Variants in PTPRT observed in about 807,000 individuals in gnomAD.
PTPRT encodes receptor-type tyrosine-protein phosphatase T.
A neutral mutation model predicts 176.8 loss-of-function variants in PTPRT; 56 were observed. The observed-to-expected ratio is 0.32, with a 90% CI of 0.26 to 0.40. The LOEUF is 0.40. Among genes scored for constraint, PTPRT ranks in the 10% least tolerant of loss-of-function variants. The pLI, the probability that PTPRT is intolerant of heterozygous loss-of-function variation, is 1.00. For missense variants in PTPRT, 1,540 were observed against 1,908.2 expected (o/e 0.81, Z 3.60); for synonymous variants, 783 against 739.0 (o/e 1.06, Z -0.96).
the PTPRT span, among the ~76,000 whole-genome samples, chr20:42,051,291 G>A: frequency 4.6e-5 from 7 of 152,182 alleles, no homozygotes; most frequent in Admixed American, 4.6e-4. Flanking sequence ...TAGAGAGGAG[G>A]ATGCATTCCC....
At chr20:42,943,176 A>C (rs763425845) in intron 1 of PTPRT, among the ~76,000 whole-genome samples, 38 of 152,252 alleles carry the variant, frequency 2.5e-4, no homozygotes, top group Non-Finnish European at 4.6e-4. Flanking sequence ...CCAGGCAGAC[A>C]GAAGCCGAGT....
intron 7 of PTPRT, among the ~76,000 whole-genome samples, chr20:42,558,899 G>A (rs893192940): frequency 6.6e-6 from 1 of 152,150 alleles, no homozygotes; most frequent in African/African-American, 2.4e-5. Context: ...CTAAGACTCT[G>A]AACAGAATTC....
At chr20:43,016,223 C>T (rs1010934146) in intron 1 of PTPRT, among the ~76,000 whole-genome samples, 3 of 152,216 alleles carry the variant, frequency 2.0e-5, no homozygotes, top group Admixed American at 1.3e-4. Flanking sequence ...CTCTTTTCCC[C>T]ATGTTTCCTC....
At chr20:42,948,807 C>A (rs931346035) in intron 1 of PTPRT, among the ~76,000 whole-genome samples, 1 of 152,146 alleles carries the variant, frequency 6.6e-6, no homozygotes, top group African/African-American at 2.4e-5. Flanking sequence ...TAACCAACAA[C>A]CCCAGCTAGA....
intron 1 of PTPRT, among the ~76,000 whole-genome samples, chr20:42,976,661 C>A (rs144792660): frequency 0.038 from 5,820 of 152,194 alleles, 282 homozygotes; most frequent in African/African-American, 0.11. Context: ...CCTGCCTTGG[C>A]CTCCCCAAGT....
intron 23 of PTPRT, among the ~76,000 whole-genome samples, 184 bp downstream of exon 23, chr20:42,110,149 C>T (rs372032257): frequency 1.3e-5 from 2 of 151,622 alleles, no homozygotes; most frequent in Admixed American, 6.6e-5. Flanking sequence ...TGGGTTCAAG[C>T]GATTCCTCTG....
chr20:42,135,864 G>A (rs1461736885), intron 18 of PTPRT, among the ~76,000 whole-genome samples: 2 of 151,966 alleles, frequency 1.3e-5, no homozygotes, highest in Non-Finnish European at 2.9e-5. Context: ...AGAGTTGTAG[G>A]GTCCTCACTC....
intron 7 of PTPRT, among the ~76,000 whole-genome samples, chr20:42,565,028 T>C (rs1240759844): frequency 6.6e-6 from 1 of 152,020 alleles, no homozygotes. Context: ...AATCAGACAG[T>C]CCTCCACTGT....
At position 42,342,618 on chromosome 20, in the gene PTPRT, A is replaced by G. The variant is rs6030158; in HGVS notation, c.1865+8010T>C. ...AAACTCCTCAGGCTGCCCTGTGTCA[A>G]TAAATCCTCTAAATGTTCGTTTCTC... On this transcript the variant is annotated intron_variant, in intron 11 of 30. Coordinates refer to ENST00000373187, the MANE Select transcript of PTPRT (RefSeq NM_007050.6). Among the ~76,000 whole-genome samples the G allele has an allele frequency of 3.5e-3, 531 of 152,316 alleles. 6 individuals carry two copies. Among genetic ancestry groups the G allele is most frequent in the African/African-American group, 0.012 (510 of 41,568 alleles).
downstream of PTPRT, among the ~76,000 whole-genome samples, chr20:42,070,261 G>T (rs959246262): frequency 6.6e-6 from 1 of 151,738 alleles, no homozygotes; most frequent in Non-Finnish European, 1.5e-5. Flanking sequence ...CTGATGGAAG[G>T]CTTGAGCCTT....
At chr20:42,116,528 C>CT (rs1987295008) in intron 21 of PTPRT, among the ~76,000 whole-genome samples, 1 of 152,204 alleles carries the variant, frequency 6.6e-6, no homozygotes, top group Non-Finnish European at 1.5e-5. Flanking sequence ...ACTGTGTACT[C>CT]TGTCTACCAC....
chr20:43,043,668 G>A (rs1419321105), intron 1 of PTPRT, among the ~76,000 whole-genome samples: 1 of 152,090 alleles, frequency 6.6e-6, no homozygotes, highest in South Asian at 2.1e-4. Context: ...ACGGAAGTAG[G>A]TTAAAGTTCA....
intron 4 of PTPRT, among the ~76,000 whole-genome samples, chr20:42,777,149 C>T (rs1419215420): frequency 6.6e-6 from 1 of 152,202 alleles, no homozygotes; most frequent in African/African-American, 2.4e-5. Context: ...TCCTCCAACA[C>T]AGAGCAGCCC....
intron 5 of PTPRT, 120 bp downstream of exon 5, chr20:42,771,315 T>A: frequency 1.2e-6 from 1 of 863,190 alleles, no homozygotes; most frequent in South Asian, 1.6e-5. Context: ...TGCTAGCTGT[T>A]GTCCCCCTCT....
chr20:42,098,595 C>T, intron 26 of PTPRT, 43 bp from the exon 27 acceptor site: 1 of 1,610,694 alleles, frequency 6.2e-7, no homozygotes, highest in Non-Finnish European at 8.5e-7. Context: ...ACACATCCAT[C>T]AGTGATATTC....
intron 9 of PTPRT, among the ~76,000 whole-genome samples, chr20:42,407,160 C>T (rs2058968818): frequency 6.6e-6 from 1 of 151,972 alleles, no homozygotes; most frequent in South Asian, 2.1e-4. Context: ...TTCTGGGAGC[C>T]CTAGGAATCC....
At chr20:42,768,027 G>A (rs1260827706) in intron 5 of PTPRT, among the ~76,000 whole-genome samples, 1 of 103,110 alleles carries the variant, frequency 9.7e-6, no homozygotes, top group Non-Finnish European at 2.1e-5. Flanking sequence ...CACACACACT[G>A]CTTCTCTGGA....
chr20:42,193,166 T>C (rs1188936052), intron 16 of PTPRT, among the ~76,000 whole-genome samples: 1 of 152,232 alleles, frequency 6.6e-6, no homozygotes, highest in Non-Finnish European at 1.5e-5. Flanking sequence ...TCTGAGAGCA[T>C]CAGTTTCCTC....
chr20:42,802,682 G>T (rs1392060351), intron 2 of PTPRT, among the ~76,000 whole-genome samples: 2 of 152,104 alleles, frequency 1.3e-5, no homozygotes, highest in African/African-American at 4.8e-5. Context: ...GTAAGAATGA[G>T]GGCAAAGAGA....
Sources: allele counts gnomAD v4.1 joint callset (sites outside exome capture counted in the v4.1 genomes callset), GRCh38; gene constraint gnomAD v4.1.1; transcripts MANE v1.5; gene names NCBI Gene and HGNC (gene_info 2026-07-23, HGNC 2026-07-21).